The following TDRP variants were observed in gnomAD, a reference collection of about 807,000 sequenced individuals.
TDRP encodes the protein testis development-related protein.
In TDRP, 12 loss-of-function variants were observed where a neutral mutation model predicts 10.5. The ratio of observed to expected loss-of-function variants is 1.15; its 90% CI spans 0.73 to 1.86. The LOEUF (loss-of-function observed/expected upper bound fraction) is 1.86, where lower values mean the gene tolerates loss of function less well. Among genes scored for constraint, TDRP ranks in the 40% most tolerant of loss-of-function variants. The pLI, the probability that TDRP is intolerant of heterozygous loss-of-function variation, is 0.00. For missense variants in TDRP, 353 were observed against 229.2 expected (o/e 1.54, Z -3.49); for synonymous variants, 139 against 95.4 (o/e 1.46, Z -2.67).
At chr8:533,000 G>T (rs1292741023) in intron 1 of TDRP, among the ~76,000 whole-genome samples, 1 of 152,080 alleles carries the variant, frequency 6.6e-6, no homozygotes, top group African/African-American at 2.4e-5. Flanking sequence ...CTTAAAACAG[G>T]AAGTCTGGAG....
chr8:513,823 C>T lies in TDRP; in HGVS notation c.109-19226G>A, dbSNP rs151077359. Among the ~76,000 whole-genome samples the T allele has an allele frequency of 3.3e-3, 496 of 152,214 alleles. 2 individuals carry two copies. Among genetic ancestry groups the T allele is most frequent in the Admixed American group, 4.5e-3 (69 of 15,298 alleles). On this transcript the variant is annotated intron_variant, in intron 1 of 2. Coordinates refer to ENST00000324079, the MANE Select transcript of TDRP (RefSeq NM_001384899.1). ...AGTTACAGGACACATCATGAATACA[C>T]GAAAATCAATTGCGTTCTTACACAC...
chr8:545,477 G>A (rs1563136599), upstream of TDRP: 1 of 151,006 alleles, frequency 6.6e-6, no homozygotes, highest in Non-Finnish European at 1.5e-5. Context: ...ACCCTGGCCG[G>A]AGGGCGTGGC....
In TDRP at chr8:491,512, T is replaced by G; in HGVS notation, c.*887A>C. 1 of 1,169,160 alleles carries G rather than the reference T, an allele frequency of 8.6e-7. No homozygotes were observed. Among genetic ancestry groups the G allele is most frequent in the Non-Finnish European group, 1.2e-6 (1 of 859,904 alleles). 72.4% of individuals were successfully genotyped at this position (1,169,160 alleles called of 1,614,324 possible). On this transcript the variant is annotated 3_prime_UTR_variant, in exon 3 of 3. Coordinates refer to ENST00000324079, the MANE Select transcript of TDRP (RefSeq NM_001384899.1). ...CAGCTTCTTACAGATCTAACACCAATCACAATAGGCATCTCGCTTTGCAAG... is the reference window on the plus strand; with the variant it reads ...CAGCTTCTTACAGATCTAACACCAAGCACAATAGGCATCTCGCTTTGCAAG...
chr8:522,003 C>T (rs975650949), intron 1 of TDRP, among the ~76,000 whole-genome samples: 6 of 151,756 alleles, frequency 4.0e-5, no homozygotes, highest in African/African-American at 1.5e-4. Context: ...TCTTAATTTC[C>T]ATTTGGGATT....
At chr8:532,185 C>G (rs1349055) in intron 1 of TDRP, among the ~76,000 whole-genome samples, 100,327 of 152,036 alleles carry the variant, frequency 0.66, 33,489 homozygotes, top group Admixed American at 0.71. Flanking sequence ...GAAGGGGAAA[C>G]AGAGGCAGCA....
intron 1 of TDRP, among the ~76,000 whole-genome samples, chr8:500,325 C>T (rs945198853): frequency 1.3e-5 from 2 of 152,144 alleles, no homozygotes; most frequent in African/African-American, 4.8e-5. Flanking sequence ...CAAAAATGTG[C>T]AGAGAGGCCA....
chr8:504,195 T>A (rs1338688652), intron 1 of TDRP, among the ~76,000 whole-genome samples: 1 of 152,230 alleles, frequency 6.6e-6, no homozygotes, highest in African/African-American at 2.4e-5. Context: ...GCCAGCTGTG[T>A]GACCTCCAGG....
At chr8:520,708 C>T (rs1801880144) in intron 1 of TDRP, among the ~76,000 whole-genome samples, 1 of 152,150 alleles carries the variant, frequency 6.6e-6, no homozygotes, top group Non-Finnish European at 1.5e-5. Context: ...CGTTGAACAT[C>T]TTTTCATATG....
chr8:497,269 G>A (rs941879389), intron 1 of TDRP, among the ~76,000 whole-genome samples: 3 of 152,204 alleles, frequency 2.0e-5, no homozygotes, highest in African/African-American at 4.8e-5. Context: ...TACAGACAAT[G>A]AAGTCCAGGA....
At chr8:518,116 T>C (rs146832556) in intron 1 of TDRP, among the ~76,000 whole-genome samples, 2 of 152,298 alleles carry the variant, frequency 1.3e-5, no homozygotes, top group Non-Finnish European at 2.9e-5. Flanking sequence ...ACTATGGACT[T>C]TGGCTAACAA....
intron 1 of TDRP, among the ~76,000 whole-genome samples, chr8:507,443 T>G (rs144012948): frequency 1.8e-3 from 277 of 152,282 alleles, no homozygotes; most frequent in African/African-American, 6.5e-3. Flanking sequence ...AGCCACAATT[T>G]GACTGGATTC....
chr8:490,560 C>T lies in TDRP; in HGVS notation c.*1839G>A, dbSNP rs1225306598. The stretch of plus-strand genomic sequence containing the variant: ...GTGTTTACATTCCTGCGCAGCAAGA[C>T]CATGTTAGCCAAAAACAAACCTACA... On this transcript the variant is annotated 3_prime_UTR_variant, in exon 3 of 3. Coordinates refer to ENST00000324079, the MANE Select transcript of TDRP (RefSeq NM_001384899.1). The T allele has an allele frequency of 6.6e-6, 1 of 152,194 alleles. No homozygotes were observed. Among genetic ancestry groups the T allele is most frequent in the Non-Finnish European group, 1.5e-5 (1 of 68,040 alleles). The allele number at this position is 152,194 out of a possible 1,614,324, so 9.4% of individuals were successfully genotyped here.
chr8:523,994 G>A (rs1039112069), intron 1 of TDRP, among the ~76,000 whole-genome samples: 7 of 152,230 alleles, frequency 4.6e-5, no homozygotes, highest in South Asian at 2.1e-4. Flanking sequence ...GGCCTTGAGC[G>A]AGATCCAGAG....
chr8:492,917 G>A (rs1177757006), intron 2 of TDRP, among the ~76,000 whole-genome samples, 173 bp from the exon 3 acceptor site: 2 of 152,162 alleles, frequency 1.3e-5, no homozygotes, highest in Non-Finnish European at 2.9e-5. Flanking sequence ...GTCACTATAT[G>A]TTGTTAATGA....
intron 1 of TDRP, among the ~76,000 whole-genome samples, chr8:524,952 A>C (rs1801999681): frequency 6.6e-6 from 1 of 152,194 alleles, no homozygotes; most frequent in Admixed American, 6.5e-5. Flanking sequence ...ATCTATATTC[A>C]AGTACAAGAA....
chr8:511,566 C>T (rs1584864683), intron 1 of TDRP, among the ~76,000 whole-genome samples: 1 of 152,132 alleles, frequency 6.6e-6, no homozygotes, highest in Non-Finnish European at 1.5e-5. Flanking sequence ...AGATTAACAA[C>T]AGAAGATGTG....
upstream of TDRP, chr8:544,999 C>A (rs1169600128): frequency 2.0e-5 from 6 of 307,022 alleles, no homozygotes; most frequent in Non-Finnish European, 3.5e-5. Context: ...CCGCTCCAAG[C>A]CCTCCTCAGG....
intron 1 of TDRP, among the ~76,000 whole-genome samples, chr8:511,341 A>G (rs533548996): frequency 2.0e-5 from 3 of 152,342 alleles, no homozygotes; most frequent in Admixed American, 6.5e-5. Context: ...TGTAAACAAA[A>G]GAGAGTTTAA....
At chr8:531,563 C>T (rs538570097) in intron 1 of TDRP, among the ~76,000 whole-genome samples, 13 of 152,284 alleles carry the variant, frequency 8.5e-5, no homozygotes, top group East Asian at 5.8e-4. Flanking sequence ...ACCACACATA[C>T]GGACACTTTT....
Sources: gnomAD v4.1 joint callset for allele counts (sites outside exome capture counted in the v4.1 genomes callset) on GRCh38, gnomAD v4.1.1 for gene constraint, MANE v1.5 for transcripts, NCBI Gene and HGNC (gene_info 2026-07-23, HGNC 2026-07-21) for gene names.